The following SAMD12 variants were observed in gnomAD, a reference collection of about 807,000 sequenced individuals.
The protein encoded by SAMD12 is sterile alpha motif domain containing 12, also known as sterile alpha motif domain-containing protein 12.
Under a neutral mutation model 15.0 loss-of-function variants are expected in SAMD12, and 9 were observed. The ratio of observed to expected loss-of-function variants is 0.60; its 90% CI spans 0.36 to 1.05. The LOEUF (loss-of-function observed/expected upper bound fraction) is 1.05. Among genes scored for constraint, SAMD12 ranks in the 50% least tolerant of loss-of-function variants. SAMD12 has a pLI of 0.01. For synonymous variants in SAMD12, 86 were observed against 90.1 expected (o/e 0.96, Z 0.25); for missense variants, 230 against 234.2 (o/e 0.98, Z 0.12).
At chr8:118,512,376 T>C (rs1049208508) in intron 2 of SAMD12, among the ~76,000 whole-genome samples, 4 of 152,006 alleles carry the variant, frequency 2.6e-5, no homozygotes, top group African/African-American at 9.7e-5. Context: ...CTTTTTCAGT[T>C]TTGTGAGCCA....
the SAMD12 span, among the ~76,000 whole-genome samples, chr8:118,136,444 C>A: frequency 1.8e-4 from 28 of 152,348 alleles, no homozygotes; most frequent in African/African-American, 6.0e-4. Flanking sequence ...GAAGGCTTAA[C>A]TTTACCACCT....
At chr8:118,547,963 C>T (rs2131168515) in intron 2 of SAMD12, among the ~76,000 whole-genome samples, 1 of 152,256 alleles carries the variant, frequency 6.6e-6, no homozygotes, top group South Asian at 2.1e-4. Flanking sequence ...CACTTGAGGA[C>T]ATCCTGGATT....
At chr8:118,490,592 T>A (rs1824414823) in intron 2 of SAMD12, among the ~76,000 whole-genome samples, 1 of 152,234 alleles carries the variant, frequency 6.6e-6, no homozygotes. Flanking sequence ...TAATTTTCTC[T>A]TCTCTTCTCT....
chr8:118,554,276 A>G (rs1175094226), intron 2 of SAMD12, among the ~76,000 whole-genome samples: 1 of 152,174 alleles, frequency 6.6e-6, no homozygotes, highest in Admixed American at 6.5e-5. Flanking sequence ...AAGACTTGGA[A>G]CCAACCCAAA....
Position 118,502,881 on chromosome 8 carries a change from A to G in SAMD12, c.193-62920T>C, listed in dbSNP as rs145980757. Among the ~76,000 whole-genome samples, 689 of 152,356 alleles carry G rather than the reference A, an allele frequency of 4.5e-3. 3 individuals carry two copies. Among genetic ancestry groups the G allele is most frequent in the African/African-American group, 0.015 (635 of 41,582 alleles). ...TTTGCCCAATTCTCTATGGCAGGCC[A>G]AGTACCTAGGCTTAGCTTCCAGGAA... On this transcript the variant is annotated intron_variant, in intron 2 of 3. Coordinates refer to ENST00000314727, the MANE Select transcript of SAMD12 (RefSeq NM_207506.3).
intron 4 of SAMD12, among the ~76,000 whole-genome samples, chr8:118,255,484 C>T (rs1001661734): frequency 6.8e-6 from 1 of 147,184 alleles, no homozygotes; most frequent in African/African-American, 2.5e-5. Flanking sequence ...AGGTCTATCT[C>T]CTAATGCTAT....
At chr8:118,149,922 T>C in the SAMD12 span, among the ~76,000 whole-genome samples, 1 of 152,196 alleles carries the variant, frequency 6.6e-6, no homozygotes, top group Admixed American at 6.5e-5. Context: ...TATTCTGTAA[T>C]ACTGATCTAT....
chr8:118,406,890 T>TTGTGTG (rs3052708), intron 3 of SAMD12, among the ~76,000 whole-genome samples: 22,898 of 147,306 alleles, frequency 0.16, 1,924 homozygotes, highest in Non-Finnish European at 0.19. Flanking sequence ...CAATATTCCA[T>TTGTGTG]TGTGTGTGTG....
chr8:118,440,235 T>A (rs569637469), intron 2 of SAMD12, among the ~76,000 whole-genome samples: 3 of 152,198 alleles, frequency 2.0e-5, no homozygotes, highest in Non-Finnish European at 2.9e-5. Context: ...TAATGAATAC[T>A]CTAGCAAAAA....
chr8:118,488,900 T>C (rs1824359556), intron 2 of SAMD12, among the ~76,000 whole-genome samples: 1 of 152,240 alleles, frequency 6.6e-6, no homozygotes, highest in Admixed American at 6.5e-5. Flanking sequence ...ATAAGTTAAG[T>C]GTTTAACTGT....
intron 4 of SAMD12, among the ~76,000 whole-genome samples, chr8:118,235,971 A>T (rs1250701668): frequency 6.6e-6 from 1 of 152,168 alleles, no homozygotes; most frequent in Non-Finnish European, 1.5e-5. Context: ...GGACTATGTG[A>T]TATGCTATAA....
the SAMD12 span, among the ~76,000 whole-genome samples, chr8:118,137,127 T>C: frequency 6.6e-6 from 1 of 152,334 alleles, no homozygotes; most frequent in African/African-American, 2.4e-5. Flanking sequence ...CAGAATCTTC[T>C]GGGGTCCAAA....
chr8:118,255,863 T>C (rs1303421892), intron 4 of SAMD12, among the ~76,000 whole-genome samples: 1 of 152,170 alleles, frequency 6.6e-6, no homozygotes, highest in Non-Finnish European at 1.5e-5. Context: ...CCTTTGGGTA[T>C]ATACCCAGTA....
At chr8:118,472,224 T>C (rs1381183201) in intron 2 of SAMD12, among the ~76,000 whole-genome samples, 2 of 151,320 alleles carry the variant, frequency 1.3e-5, no homozygotes, top group Non-Finnish European at 2.9e-5. Context: ...GAGGCGGAGC[T>C]TGCAGTGAGC....
rs753046321 is a variant in SAMD12, at chr8:118,580,596, T to C, written c.192+119A>G. On this transcript the variant is annotated intron_variant, in intron 2 of 3. Transcript: ENST00000314727. ...ATTTATCCGCAAGATACAGTGCTCA[T>C]TTGACCACAGATACAATGGTAATTA... 5 of 699,648 alleles carry C rather than the reference T, an allele frequency of 7.1e-6. No individual in the cohort carries two copies. In the African/African-American group the frequency reaches 8.9e-5, roughly 12 times the overall value. The allele number at this position is 699,648 out of a possible 1,614,324, so 43.3% of individuals were successfully genotyped here. A position where few individuals can be genotyped will look rare whatever the true frequency, so the allele number is the denominator to read the frequency against.
At chr8:118,339,486 C>T (rs1416010840) in intron 4 of SAMD12, among the ~76,000 whole-genome samples, 2 of 152,140 alleles carry the variant, frequency 1.3e-5, no homozygotes, top group Non-Finnish European at 2.9e-5. Context: ...ACAATCAGGG[C>T]CTTCCTCATA....
intron 2 of SAMD12, among the ~76,000 whole-genome samples, chr8:118,487,038 G>A (rs1824310207): frequency 6.6e-6 from 1 of 152,202 alleles, no homozygotes; most frequent in African/African-American, 2.4e-5. Flanking sequence ...GGGCAGGGAA[G>A]TGTGGGTGAC....
the SAMD12 span, among the ~76,000 whole-genome samples, chr8:118,181,722 T>C: frequency 5.3e-5 from 8 of 152,332 alleles, no homozygotes; most frequent in East Asian, 1.5e-3. Context: ...TAAATCTTTC[T>C]CTTTCTGTCT....
chr8:118,566,612 C>G (rs990680988), intron 2 of SAMD12, among the ~76,000 whole-genome samples: 2 of 152,128 alleles, frequency 1.3e-5, no homozygotes, highest in East Asian at 3.8e-4. Context: ...ATCTTTTATA[C>G]TATGTCAGGA....
Sources: gnomAD v4.1 joint callset for allele counts (sites outside exome capture counted in the v4.1 genomes callset) on GRCh38, gnomAD v4.1.1 for gene constraint, MANE v1.5 for transcripts, NCBI Gene and HGNC (gene_info 2026-07-23, HGNC 2026-07-21) for gene names.